KSR2: variants seen among roughly 807,000 people sequenced by gnomAD.
KSR2 encodes kinase suppressor of ras 2.
A neutral mutation model predicts 107.8 loss-of-function variants in KSR2; 25 were observed. The observed-to-expected ratio is 0.23, with a 90% confidence interval of 0.17 to 0.32. The LOEUF (loss-of-function observed/expected upper bound fraction) is 0.32. Ranked by LOEUF, KSR2 falls within the 10% of genes least tolerant of loss-of-function variation. KSR2 has a pLI of 1.00. For missense variants in KSR2, 887 were observed against 1,268.9 expected, an observed-to-expected ratio of 0.70 and a Z score of 4.57; for synonymous variants, 480 against 507.0, an observed-to-expected ratio of 0.95 and a Z score of 0.71.
chr12:117,644,063 T>C (rs1244285749), intron 5 of KSR2, among the ~76,000 whole-genome samples: 1 of 152,168 alleles, frequency 6.6e-6, no homozygotes, highest in East Asian at 1.9e-4. Flanking sequence ...CACAGTTGTG[T>C]ATGTAGTTCT....
intron 5 of KSR2, among the ~76,000 whole-genome samples, chr12:117,642,524 T>A (rs1883424648): frequency 6.6e-6 from 1 of 152,192 alleles, no homozygotes; most frequent in Admixed American, 6.5e-5. Context: ...CTTTCCTCCC[T>A]CTTGGTTGAC....
At chr12:117,866,841 A>T (rs577949408) in intron 1 of KSR2, among the ~76,000 whole-genome samples, 771 of 58,112 alleles carry the variant, frequency 0.013, 5 homozygotes, top group African/African-American at 0.11. Context: ...AAAAAAATTA[A>T]AAAAAAAATG....
intron 3 of KSR2, among the ~76,000 whole-genome samples, chr12:117,793,639 T>C (rs921749273): frequency 3.0e-5 from 4 of 132,604 alleles, no homozygotes; most frequent in Non-Finnish European, 4.7e-5. Context: ...ACTTATCCCA[T>C]GCACATATAC....
At chr12:117,567,341 T>C (rs909597671) in intron 7 of KSR2, among the ~76,000 whole-genome samples, 5 of 152,202 alleles carry the variant, frequency 3.3e-5, no homozygotes, top group African/African-American at 1.2e-4. Context: ...AGTGGGCACA[T>C]GACCTGCCAC....
intron 9 of KSR2, among the ~76,000 whole-genome samples, chr12:117,554,892 T>C (rs1877549160): frequency 6.6e-6 from 1 of 152,188 alleles, no homozygotes; most frequent in Non-Finnish European, 1.5e-5. Context: ...GAAACTCCTT[T>C]TAAGTCTCTC....
intron 3 of KSR2, among the ~76,000 whole-genome samples, chr12:117,800,690 G>A (rs1010030276): frequency 2.6e-5 from 4 of 152,046 alleles, no homozygotes; most frequent in Non-Finnish European, 4.4e-5. Context: ...CTATCAACCC[G>A]TCATCTAGGT....
chr12:117,855,644 T>A lies in KSR2; in HGVS notation c.322-66A>T. On this transcript the variant is annotated intron_variant, in intron 2 of 19. Transcript: ENST00000339824. The stretch of plus-strand genomic sequence containing the variant: ...CAGCATCTCTGCCTCCACGCTGCCC[T>A]GTAGTGGTGCCTAGAGGAGAACACT... 3.3e-6 allele frequency: 5 copies of A among 1,522,800 alleles called. No individual in the cohort carries two copies. In the South Asian group the frequency reaches 5.7e-5, roughly 17 times the overall value. The allele number at this position is 1,522,800 out of a possible 1,614,324, so 94.3% of individuals were successfully genotyped here.
chr12:117,877,211 C>T (rs574950780), intron 1 of KSR2, among the ~76,000 whole-genome samples: 1 of 152,198 alleles, frequency 6.6e-6, no homozygotes, highest in East Asian at 1.9e-4. Context: ...GTGGTGGGCG[C>T]CTGTAATCCC....
chr12:117,912,737 T>TA (rs1288098472), intron 1 of KSR2, among the ~76,000 whole-genome samples: 1 of 152,130 alleles, frequency 6.6e-6, no homozygotes, highest in East Asian at 1.9e-4. Flanking sequence ...GAGCTGGATT[T>TA]AAAAATATAA....
chr12:117,758,626 A>T (rs1888881758), intron 4 of KSR2, among the ~76,000 whole-genome samples: 1 of 152,234 alleles, frequency 6.6e-6, no homozygotes, highest in African/African-American at 2.4e-5. Context: ...TCCAAAAAAC[A>T]CTAAAGGTGG....
chr12:117,558,141 A>C lies in KSR2; in HGVS notation c.1393+365T>G, dbSNP rs1054576365. ...CCAATTGATTAAATCTAGAGAACACACAATGGAAAAACACCCAGCCAGTGC... is the reference window on the plus strand; with the variant it reads ...CCAATTGATTAAATCTAGAGAACACCCAATGGAAAAACACCCAGCCAGTGC... On this transcript the variant is annotated intron_variant, in intron 8 of 19. Coordinates refer to ENST00000339824, the MANE Select transcript of KSR2 (RefSeq NM_173598.6). Among the ~76,000 whole-genome samples the C allele has an allele frequency of 1.2e-4, 19 of 152,290 alleles. No homozygotes were observed. In the East Asian group the frequency reaches 3.7e-3, roughly 29 times the overall value.
intron 5 of KSR2, among the ~76,000 whole-genome samples, chr12:117,631,510 G>A (rs1391128696): frequency 6.6e-6 from 1 of 151,952 alleles, no homozygotes; most frequent in African/African-American, 2.4e-5. Context: ...CATAAATCTA[G>A]GTCTTTTATT....
At position 117,673,553 on chromosome 12, in the gene KSR2, G is replaced by C. The variant is rs78008405; in HGVS notation, c.987-5895C>G. On this transcript the variant is annotated intron_variant, in intron 4 of 19. Coordinates refer to ENST00000339824, the MANE Select transcript of KSR2 (RefSeq NM_173598.6). ...AGAATGGGAGTAAAAGAAAACGAGAGAATACATGGCTATTTGATTAGAGTA... is the reference window on the plus strand; with the variant it reads ...AGAATGGGAGTAAAAGAAAACGAGACAATACATGGCTATTTGATTAGAGTA... 2.5e-4 allele frequency among the ~76,000 whole-genome samples: 38 copies of C among 152,234 alleles called. 1 individual carries two copies. In the East Asian group the frequency reaches 6.6e-3, roughly 26 times the overall value.
At chr12:117,605,924 C>T (rs955300540) in intron 5 of KSR2, among the ~76,000 whole-genome samples, 9 of 152,088 alleles carry the variant, frequency 5.9e-5, no homozygotes, top group South Asian at 2.1e-4. Context: ...GATGAACAAA[C>T]GGCTTATTTT....
intron 4 of KSR2, among the ~76,000 whole-genome samples, chr12:117,731,119 C>CA (rs1887662351): frequency 6.6e-6 from 1 of 151,156 alleles, no homozygotes; most frequent in African/African-American, 2.4e-5. Flanking sequence ...TCTGCCCAGC[C>CA]GCCCCGTCTG....
chr12:117,821,906 G>T (rs935998572), intron 3 of KSR2, among the ~76,000 whole-genome samples: 2 of 152,152 alleles, frequency 1.3e-5, no homozygotes, highest in African/African-American at 4.8e-5. Flanking sequence ...AACCTACTGG[G>T]CTGCATTCCC....
Position 117,455,841 on chromosome 12 carries a change from G to A in KSR2, c.*11358C>T, listed in dbSNP as rs1870591365. 6.6e-6 allele frequency: 1 copy of A among 152,184 alleles called. No individual in the cohort carries two copies. Among genetic ancestry groups the A allele is most frequent in the Admixed American group, 6.5e-5 (1 of 15,280 alleles). 9.4% of individuals were successfully genotyped at this position (152,184 alleles called of 1,614,324 possible). ...CAAAAATAGGGCTATGAGGAAACTA[G>A]AGGACCGGGGCCCAGAAGCAGTGCC... On this transcript the variant is annotated 3_prime_UTR_variant, in exon 20 of 20. Coordinates refer to ENST00000339824, the MANE Select transcript of KSR2 (RefSeq NM_173598.6).
intron 4 of KSR2, among the ~76,000 whole-genome samples, chr12:117,714,312 G>A (rs1886898748): frequency 6.6e-6 from 1 of 152,062 alleles, no homozygotes; most frequent in African/African-American, 2.4e-5. Flanking sequence ...CGCCTCTTAT[G>A]CTGATTCTCC....
chr12:117,902,493 C>CT lies in KSR2; in HGVS notation c.181-42063dup, dbSNP rs796077991. 3.8e-3 allele frequency among the ~76,000 whole-genome samples: 390 copies of CT among 102,700 alleles called. 4 individuals are homozygous for CT. Among genetic ancestry groups the CT allele is most frequent in the African/African-American group, 8.8e-3 (216 of 24,482 alleles). 67.4% of individuals were successfully genotyped at this position (102,700 alleles called of 152,430 possible). A position where few individuals can be genotyped will look rare whatever the true frequency, so the allele number is the denominator to read the frequency against. ...CCTGGGCGACAGAGTGAGACTCTGT[C>CT]TTAAAAAAAAAAAAAAAAAAAAAAA... On this transcript the variant is annotated intron_variant, in intron 1 of 19. Transcript: ENST00000339824.
Sources: gnomAD v4.1 joint callset for allele counts (sites outside exome capture counted in the v4.1 genomes callset) on GRCh38, gnomAD v4.1.1 for gene constraint, MANE v1.5 for transcripts, NCBI Gene and HGNC (gene_info 2026-07-23, HGNC 2026-07-21) for gene names.